Variants in AK8 observed in about 807,000 individuals in gnomAD.
The protein encoded by AK8 is adenylate kinase 8, also known as ATP-AMP transphosphorylase 8.
In AK8, 44 loss-of-function variants were observed where a neutral mutation model predicts 54.6. The observed-to-expected ratio is 0.81, with a 90% confidence interval of 0.63 to 1.04. The LOEUF (loss-of-function observed/expected upper bound fraction) is 1.04. Ranked by LOEUF, AK8 falls within the 50% of genes least tolerant of loss-of-function variation. The probability of loss-of-function intolerance (pLI) is 0.00; values close to 1 mark genes in which losing one functional copy is unlikely to be tolerated. For synonymous variants in AK8, 239 were observed against 245.6 expected, an observed-to-expected ratio of 0.97 and a Z score of 0.25; for missense variants, 555 against 613.6, an observed-to-expected ratio of 0.90 and a Z score of 1.01.
chr9:132,763,968 TAACCCA>T (rs1347347066), intron 11 of AK8, among the ~76,000 whole-genome samples: 1 of 152,156 alleles, frequency 6.6e-6, no homozygotes, highest in Non-Finnish European at 1.5e-5. Context: ...AAGCAAAAAC[TAACCCA>T]ACCCCACATG....
At chr9:132,798,685 GT>G (rs1287823575) in intron 10 of AK8, among the ~76,000 whole-genome samples, 3 of 151,030 alleles carry the variant, frequency 2.0e-5, no homozygotes, top group Non-Finnish European at 4.4e-5. Context: ...ACATGGTTTC[GT>G]TTGTTTTTTT....
chr9:132,812,292 G>A (rs1183105332), intron 10 of AK8, among the ~76,000 whole-genome samples: 1 of 142,848 alleles, frequency 7.0e-6, no homozygotes, highest in African/African-American at 2.7e-5. Context: ...AGAGTGTGGT[G>A]CAATCTTGGC....
intron 11 of AK8, among the ~76,000 whole-genome samples, chr9:132,780,332 C>T (rs970212082): frequency 1.3e-5 from 2 of 152,218 alleles, no homozygotes; most frequent in East Asian, 1.9e-4. Flanking sequence ...CAGCAGACTG[C>T]GCTGAGTGCG....
rs190282023 is a variant in AK8 at position 132,817,313 on chromosome 9, C to T, written c.890-2586G>A. Among the ~76,000 whole-genome samples, 4 of 152,244 alleles carry T rather than the reference C, an allele frequency of 2.6e-5. No individual in the cohort carries two copies. In the South Asian group the frequency reaches 6.2e-4, roughly 24 times the overall value. ...CAGACCTTCAAAAATGTGAGAAACA[C>T]AATGTCTAGCATTTAATCAAAAGCT... On this transcript the variant is annotated intron_variant, in intron 9 of 12. Transcript: ENST00000298545.
intron 5 of AK8, among the ~76,000 whole-genome samples, chr9:132,831,030 GTCTA>G (rs1842081279): frequency 6.6e-6 from 1 of 152,226 alleles, no homozygotes; most frequent in Admixed American, 6.5e-5. Context: ...CCACAATACA[GTCTA>G]TCTTTTCCCC....
chr9:132,746,024 G>A (rs1837631892), intron 11 of AK8, among the ~76,000 whole-genome samples: 1 of 152,204 alleles, frequency 6.6e-6, no homozygotes, highest in African/African-American at 2.4e-5. Context: ...AAAGGTGGCT[G>A]ACTTCCCAGC....
At chr9:132,833,622 CT>C (rs748180129) in intron 5 of AK8, among the ~76,000 whole-genome samples, 3 of 152,180 alleles carry the variant, frequency 2.0e-5, no homozygotes, top group Non-Finnish European at 4.4e-5. Flanking sequence ...AGGCCGTATG[CT>C]CAGGGCACTC....
At chr9:132,834,805 C>T (rs1842249317) in intron 5 of AK8, among the ~76,000 whole-genome samples, 4 of 151,862 alleles carry the variant, frequency 2.6e-5, no homozygotes, top group Admixed American at 2.0e-4. Context: ...GTGCAGCCTA[C>T]AGGCCAATGA....
chr9:132,778,655 T>C (rs1195562835), intron 11 of AK8, among the ~76,000 whole-genome samples: 1 of 152,192 alleles, frequency 6.6e-6, no homozygotes, highest in African/African-American at 2.4e-5. Context: ...CAAAAGAAAT[T>C]GTCATACGGA....
chr9:132,826,391 A>G lies in AK8; in HGVS notation c.757+463T>C, dbSNP rs1324168703. Among the ~76,000 whole-genome samples, 1 of 152,192 alleles carries G rather than the reference A, an allele frequency of 6.6e-6. No homozygotes were observed. Among genetic ancestry groups the G allele is most frequent in the Non-Finnish European group, 1.5e-5 (1 of 68,036 alleles). ...GCAACGCAGTGCCAGGCGCGGGGCC[A>G]TGTATCTCCATCCTAAATGAAGCAT... On this transcript the variant is annotated intron_variant, in intron 8 of 12. Transcript: ENST00000298545. The surrounding 1 kb of genome is among the most constrained non-coding windows in gnomAD (Gnocchi z 4.5).
chr9:132,750,004 T>TGGAGATACTGACAGCACACTCC lies in AK8; in HGVS notation c.1122-22471_1122-22470insGGAGTGTGCTGTCAGTATCTCC, dbSNP rs1554784804. 7.4e-4 allele frequency among the ~76,000 whole-genome samples: 111 copies of TGGAGATACTGACAGCACACTCC among 150,818 alleles called. 1 individual carries two copies. Among genetic ancestry groups the TGGAGATACTGACAGCACACTCC allele is most frequent in the East Asian group, 6.1e-3 (31 of 5,066 alleles). On this transcript the variant is annotated intron_variant, in intron 11 of 12. Transcript: ENST00000298545. ...TCCTAGAGATACTGACAGCACACTC[T>TGGAGATACTGACAGCACACTCC]TGGAGATACTGACAGCACACTTATA...
chr9:132,816,392 AG>A (rs1841332331), intron 9 of AK8, among the ~76,000 whole-genome samples: 1 of 151,980 alleles, frequency 6.6e-6, no homozygotes, highest in Non-Finnish European at 1.5e-5. Flanking sequence ...AGAAAAAAAA[AG>A]CTGCTGAGAA....
intron 11 of AK8, among the ~76,000 whole-genome samples, chr9:132,749,270 T>C (rs1837794527): frequency 6.6e-6 from 1 of 151,960 alleles, no homozygotes; most frequent in Admixed American, 6.6e-5. Flanking sequence ...CCATCCCCTA[T>C]TTGATAGGTG....
At chr9:132,792,923 C>G in intron 10 of AK8, 148 bp from the exon 11 acceptor site, 2 of 1,025,978 alleles carry the variant, frequency 1.9e-6, no homozygotes, top group Non-Finnish European at 2.7e-6. Flanking sequence ...GTTGTCAGTG[C>G]CTATTTCCCA....
chr9:132,771,115 A>G (rs1267949177), intron 11 of AK8, among the ~76,000 whole-genome samples: 1 of 152,188 alleles, frequency 6.6e-6, no homozygotes, highest in Non-Finnish European at 1.5e-5. Flanking sequence ...GTCCGTCTCC[A>G]CTGCCATGAT....
chr9:132,739,935 G>A (rs541448573), intron 11 of AK8, among the ~76,000 whole-genome samples: 1 of 152,340 alleles, frequency 6.6e-6, no homozygotes, highest in South Asian at 2.1e-4. Context: ...GGCAAAGTAC[G>A]CATTCTTGTT....
intron 11 of AK8, among the ~76,000 whole-genome samples, chr9:132,749,603 G>A (rs751735643): frequency 3.3e-5 from 5 of 151,852 alleles, no homozygotes; most frequent in Non-Finnish European, 5.9e-5. Flanking sequence ...AAGAACTCGC[G>A]ACTCACAGCT....
intron 11 of AK8, among the ~76,000 whole-genome samples, chr9:132,782,121 T>C (rs1839501663): frequency 6.6e-6 from 1 of 152,234 alleles, no homozygotes; most frequent in Non-Finnish European, 1.5e-5. Flanking sequence ...TTTCACTCCG[T>C]GGTGAACGGA....
chr9:132,795,423 G>T (rs1840120631), intron 10 of AK8, among the ~76,000 whole-genome samples: 1 of 152,206 alleles, frequency 6.6e-6, no homozygotes, highest in South Asian at 2.1e-4. Flanking sequence ...CTGTGTGAAA[G>T]AATTTGGTCT....
Sources: allele counts gnomAD v4.1 joint callset (sites outside exome capture counted in the v4.1 genomes callset), GRCh38; gene constraint gnomAD v4.1.1; non-coding constraint Gnocchi (gnomAD v3.1); transcripts MANE v1.5; gene names NCBI Gene and HGNC (gene_info 2026-07-23, HGNC 2026-07-21).